ADAMTS9: variants seen among roughly 807,000 people sequenced by gnomAD.
ADAMTS9 encodes the protein A disintegrin and metalloproteinase with thrombospondin motifs 9.
ADAMTS9 carries 107 observed loss-of-function variants against 257.1 expected under a neutral mutation model. The ratio of observed to expected loss-of-function variants is 0.42; its 90% CI spans 0.36 to 0.49. The LOEUF (loss-of-function observed/expected upper bound fraction) is 0.49. Ranked by LOEUF, ADAMTS9 falls within the 20% of genes least tolerant of loss-of-function variation. The pLI, the probability that ADAMTS9 is intolerant of heterozygous loss-of-function variation, is 0.03. For missense variants in ADAMTS9, 2,353 were observed against 2,469.1 expected (o/e 0.95, Z 1.00); for synonymous variants, 982 against 880.9 (o/e 1.11, Z -2.03).
Position 64,533,290 on chromosome 3 carries a change from A to G in ADAMTS9, c.5614-20T>C, listed in dbSNP as rs751195752. ...ACGACCCTGGAAAACACGACCAACA[A>G]AAGAGATTTTCAGTCCATGTGATGT... On this transcript the variant is annotated intron_variant, in intron 37 of 39. Transcript: ENST00000498707. The G allele has an allele frequency of 6.2e-7, 1 of 1,604,066 alleles. No individual in the cohort carries two copies. Among genetic ancestry groups the G allele is most frequent in the Non-Finnish European group, 8.5e-7 (1 of 1,170,922 alleles).
intron 16 of ADAMTS9, among the ~76,000 whole-genome samples, chr3:64,628,069 G>A (rs1700270554): frequency 6.6e-6 from 1 of 152,158 alleles, no homozygotes; most frequent in Admixed American, 6.5e-5. Flanking sequence ...GACTTGCAAT[G>A]TAGGCTTGCA....
intron 39 of ADAMTS9, among the ~76,000 whole-genome samples, chr3:64,520,995 C>T (rs573798731): frequency 6.6e-6 from 1 of 151,996 alleles, no homozygotes; most frequent in Non-Finnish European, 1.5e-5. Flanking sequence ...AAACTATCAA[C>T]AGAATAAATG....
intron 26 of ADAMTS9, among the ~76,000 whole-genome samples, chr3:64,598,372 C>G (rs1576099775): frequency 6.7e-6 from 1 of 149,372 alleles, no homozygotes. Flanking sequence ...GGCTAGAACA[C>G]AGTGGTGCGA....
chr3:64,625,986 C>T (rs896459830), intron 16 of ADAMTS9, among the ~76,000 whole-genome samples: 6 of 152,196 alleles, frequency 3.9e-5, no homozygotes, highest in South Asian at 2.1e-4. Context: ...AAGTGTGTAG[C>T]GTCTGAAGTC....
intron 3 of ADAMTS9, among the ~76,000 whole-genome samples, chr3:64,661,485 G>A (rs1701221584): frequency 6.6e-6 from 1 of 152,112 alleles, no homozygotes; most frequent in Non-Finnish European, 1.5e-5. Context: ...TTCCCGATGA[G>A]GAAAATAAGT....
In ADAMTS9 at chr3:64,602,187, C is replaced by G. The variant is rs2084475970; in HGVS notation, c.3774G>C (p.Arg1258Ser). Residue 1258 changes from arginine to serine, a missense_variant, in exon 26 of 40, where the codon AGG (arginine) becomes AGC (serine). Physicochemically the swap from Arg to Ser is moderately radical, Grantham distance 110. Around this residue, in one of 3 missense-constraint regions of ADAMTS9, gnomAD observed 1,402 missense variants for 1,441.4 expected, o/e 0.97. Transcript: ENST00000498707. ...TGACACACATCACTTGCCGGGTTGC[C>G]CTACCTTGCCCACAGGTCACAGAGC... ...SSCSVTCGQGRATRQVMCVNY... is the reference protein window; with the variant it reads ...SSCSVTCGQGSATRQVMCVNY... 1 of 1,613,932 alleles carries G rather than the reference C, an allele frequency of 6.2e-7. No homozygotes were observed. Among genetic ancestry groups the G allele is most frequent in the East Asian group, 2.2e-5 (1 of 44,842 alleles).
At chr3:64,591,963 T>G (rs565049842) in intron 28 of ADAMTS9, among the ~76,000 whole-genome samples, 2 of 152,200 alleles carry the variant, frequency 1.3e-5, no homozygotes, top group African/African-American at 4.8e-5. Context: ...ACCATGGAAG[T>G]GGCTTTATGG....
intron 32 of ADAMTS9, among the ~76,000 whole-genome samples, chr3:64,544,417 CAT>C (rs751166512): frequency 7.2e-5 from 11 of 152,096 alleles, no homozygotes; most frequent in Admixed American, 1.3e-4. Flanking sequence ...AAAATAGAGA[CAT>C]AGACCAATGG....
At chr3:64,659,172 A>C (rs1701162065) in intron 3 of ADAMTS9, among the ~76,000 whole-genome samples, 1 of 152,222 alleles carries the variant, frequency 6.6e-6, no homozygotes, top group Non-Finnish European at 1.5e-5. Context: ...AGAGCTCTGA[A>C]AAACTTAAAT....
chr3:64,662,753 T>A (rs1701254798), intron 3 of ADAMTS9, among the ~76,000 whole-genome samples: 2 of 152,032 alleles, frequency 1.3e-5, no homozygotes, highest in South Asian at 4.1e-4. Context: ...AACTGGGAAA[T>A]CTACAGAGAC....
chr3:64,638,427 C>T (rs987026641), intron 12 of ADAMTS9, among the ~76,000 whole-genome samples: 3 of 152,124 alleles, frequency 2.0e-5, no homozygotes, highest in African/African-American at 7.2e-5. Context: ...TACTCTATTA[C>T]ACACGTCTTA....
In ADAMTS9 at chr3:64,546,905, G is replaced by A. The variant is rs2083207649; in HGVS notation, c.4917C>T (p.Cys1639=). 1.2e-6 allele frequency: 2 copies of A among 1,613,650 alleles called. No individual in the cohort carries two copies. Among genetic ancestry groups the A allele is most frequent in the Admixed American group, 1.7e-5 (1 of 59,982 alleles). Residue 1639 remains cysteine (C), a synonymous_variant, in exon 32 of 40, where the codon TGC becomes TGT. Transcript: ENST00000498707. ...TCTCCTTCCCGGTGTAAATCTCGCTGCACGAGACAAGCCTTTGTTTGTAGC... is the reference window on the plus strand; with the variant it reads ...TCTCCTTCCCGGTGTAAATCTCGCTACACGAGACAAGCCTTTGTTTGTAGC... ...GKGYKQRLVS[C]SEIYTGKENY...
At chr3:64,615,548 C>G in intron 20 of ADAMTS9, 63 bp from the exon 21 acceptor site, 1 of 1,501,284 alleles carries the variant, frequency 6.7e-7, no homozygotes, top group Non-Finnish European at 9.0e-7. Flanking sequence ...TGCTGAAGAT[C>G]CTGGCTATGT....
At chr3:64,608,258 C>CAAAAAAAAAAAAAAAAAACA (rs2084597657) in intron 22 of ADAMTS9, among the ~76,000 whole-genome samples, 8 of 53,286 alleles carry the variant, frequency 1.5e-4, no homozygotes, top group Non-Finnish European at 2.4e-4. Context: ...AAACTAAAAC[C>CAAAAAAAAAAAAAAAAAACA]AAAAAAAAAA....
At chr3:64,579,237 T>C (rs970340923) in intron 28 of ADAMTS9, among the ~76,000 whole-genome samples, 2 of 152,310 alleles carry the variant, frequency 1.3e-5, no homozygotes, top group African/African-American at 4.8e-5. Context: ...ATGCCTGGTG[T>C]ACTCCCGCTT....
At chr3:64,558,241 C>T (rs1040867416) in intron 30 of ADAMTS9, among the ~76,000 whole-genome samples, 1 of 152,078 alleles carries the variant, frequency 6.6e-6, no homozygotes, top group Non-Finnish European at 1.5e-5. Flanking sequence ...AGCTTCCGGG[C>T]TTCAAATTCC....
In ADAMTS9 at chr3:64,613,329, T is replaced by A. The variant is rs1369743221; in HGVS notation, c.3354+16A>T. ...GGAAAGAATGTAGCAGTTAAGAATC[T>A]TATCGTTCAAAATACCTGTCCCCAG... On this transcript the variant is annotated intron_variant, in intron 22 of 39. Coordinates refer to ENST00000498707, the MANE Select transcript of ADAMTS9 (RefSeq NM_182920.2). 6.2e-7 allele frequency: 1 copy of A among 1,611,744 alleles called. No homozygotes were observed. Among genetic ancestry groups the A allele is most frequent in the East Asian group, 2.2e-5 (1 of 44,790 alleles).
At chr3:64,657,397 C>A (rs554043643) in intron 4 of ADAMTS9, among the ~76,000 whole-genome samples, 1 of 152,088 alleles carries the variant, frequency 6.6e-6, no homozygotes, top group Admixed American at 6.6e-5. Flanking sequence ...TGCACAGTGG[C>A]GCAATCAAGG....
In ADAMTS9 at chr3:64,603,938, G is replaced by A. The variant is rs1458000643; in HGVS notation, c.3731C>T (p.Ala1244Val). ...CSVTPCGQWK[A>V]LDWSSCSVTC... Reference sequence around the variant, plus strand: ...CTGGCTTACAGAGCTCCAGTCCAAGGCCTTCCATTGCCCACAGGGTGTCAC... The same window carrying A: ...CTGGCTTACAGAGCTCCAGTCCAAGACCTTCCATTGCCCACAGGGTGTCAC... The change falls in exon 25 of 40, where the codon GCC becomes GTC. Residue 1244 changes from alanine (A) to valine (V), a missense_variant. Transcript: ENST00000498707. 9 of 1,613,746 alleles carry A rather than the reference G, an allele frequency of 5.6e-6. No individual in the cohort carries two copies. The highest frequency in any genetic ancestry group is 6.8e-6 in the Non-Finnish European group (8 of 1,179,942).
Sources: allele counts gnomAD v4.1 joint callset (sites outside exome capture counted in the v4.1 genomes callset), GRCh38; gene constraint gnomAD v4.1.1; regional missense constraint gnomAD v4.1.1; transcripts MANE v1.5; gene names NCBI Gene and HGNC (gene_info 2026-07-23, HGNC 2026-07-21).